GRIA3: variants seen among roughly 807,000 people sequenced by gnomAD.
GRIA3 encodes glutamate ionotropic receptor AMPA type subunit 3.
A neutral mutation model predicts 63.0 loss-of-function variants in GRIA3; 3 were observed. The ratio of observed to expected loss-of-function variants is 0.05; its 90% confidence interval spans 0.02 to 0.12. The LOEUF (loss-of-function observed/expected upper bound fraction) is 0.12. GRIA3 is among the 10% of genes least tolerant of loss of function. The pLI, the probability that GRIA3 is intolerant of heterozygous loss-of-function variation, is 1.00. For missense variants in GRIA3, 347 were observed against 700.9 expected (o/e 0.50, Z 5.70); for synonymous variants, 274 against 257.9 (o/e 1.06, Z -0.60).
intron 3 of GRIA3, among the ~76,000 whole-genome samples, chrX:123,297,086 G>A (rs978872007): frequency 9.0e-6 from 1 of 111,385 alleles, no homozygotes; most frequent in Non-Finnish European, 1.9e-5. Context: ...TACTTAAAGT[G>A]TGGTCCATAG....
At chrX:123,465,664 T>C in intron 13 of GRIA3, 1 of 1,133,558 alleles carries the variant, frequency 8.8e-7, no homozygotes, top group Non-Finnish European at 1.2e-6. Flanking sequence ...TTATGTTTTA[T>C]CGTTTCAAGA....
chrX:123,320,837 G>A (rs1339047448), intron 3 of GRIA3, among the ~76,000 whole-genome samples: 1 of 111,316 alleles, frequency 9.0e-6, no homozygotes, highest in African/African-American at 3.3e-5. Context: ...CCTCACCTTA[G>A]CTCCAGCTCT....
At chrX:123,197,997 G>A (rs779069340) in intron 2 of GRIA3, among the ~76,000 whole-genome samples, 1 of 112,256 alleles carries the variant, frequency 8.9e-6, no homozygotes, top group East Asian at 2.8e-4. Context: ...CCCGAGAGAG[G>A]CCCTCCATAC....
chrX:123,398,904 C>G, intron 7 of GRIA3, 101 bp downstream of exon 7: 1 of 637,129 alleles, frequency 1.6e-6, no homozygotes, highest in Non-Finnish European at 2.5e-6. Context: ...GGAATAGGAC[C>G]AGATTATGTA....
intron 5 of GRIA3, 50 bp from the exon 6 acceptor site, chrX:123,394,918 G>A: frequency 1.1e-6 from 1 of 927,901 alleles, no homozygotes; most frequent in Non-Finnish European, 1.6e-6. Context: ...GATATGGTGA[G>A]TAAGAACATA....
chrX:123,246,361 C>T (rs1459956768), intron 2 of GRIA3, among the ~76,000 whole-genome samples: 1 of 111,755 alleles, frequency 8.9e-6, no homozygotes, highest in Admixed American at 9.5e-5. Context: ...ACCAGTGTGT[C>T]GGCAGGGTTG....
chrX:123,463,720 GAA>G (rs1405289563), intron 12 of GRIA3, among the ~76,000 whole-genome samples: 5 of 94,878 alleles, frequency 5.3e-5, no homozygotes, highest in African/African-American at 1.8e-4. Context: ...AAGAAAGAAA[GAA>G]AGAGAAAGAA....
chrX:123,185,595 G>C lies in GRIA3; in HGVS notation c.110-237G>C, dbSNP rs557488170. 9.1e-5 allele frequency among the ~76,000 whole-genome samples: 10 copies of C among 109,618 alleles called. No individual in the cohort carries two copies. In the South Asian group the frequency reaches 4.1e-3, roughly 45 times the overall value. Reference sequence around the variant, plus strand: ...GGTTCCATCGTCCTAACCCAAAACGGCTCCCTCGTCTCTTCTCCCTTCTCT... The same window carrying C: ...GGTTCCATCGTCCTAACCCAAAACGCCTCCCTCGTCTCTTCTCCCTTCTCT... On this transcript the variant is annotated intron_variant, in intron 1 of 15. Transcript: ENST00000620443.
chrX:123,453,626 C>G lies in GRIA3; in HGVS notation c.2077-11239C>G, dbSNP rs1286680083. ...AGCAAAGTCAGGTTTTCAACACACA[C>G]ACACACACACACACACACACACAAA... On this transcript the variant is annotated intron_variant, in intron 12 of 15. Transcript: ENST00000620443. Among the ~76,000 whole-genome samples the G allele has an allele frequency of 6.3e-5, 7 of 111,138 alleles. No individual in the cohort carries two copies. In the East Asian group the frequency reaches 2.0e-3, roughly 31 times the overall value.
chrX:123,225,564 C>T (rs999572809), intron 2 of GRIA3, among the ~76,000 whole-genome samples: 2 of 111,970 alleles, frequency 1.8e-5, no homozygotes, highest in Non-Finnish European at 3.8e-5. Flanking sequence ...GAACCTGAAC[C>T]TATTACATCT....
At chrX:123,317,723 G>C (rs1449435378) in intron 3 of GRIA3, among the ~76,000 whole-genome samples, 1 of 112,067 alleles carries the variant, frequency 8.9e-6, no homozygotes, top group Admixed American at 9.4e-5. Flanking sequence ...TCATGGGCTA[G>C]TGTTGAGTGT....
chrX:123,485,538 T>C (rs1260806467), intron 15 of GRIA3, among the ~76,000 whole-genome samples: 2 of 111,598 alleles, frequency 1.8e-5, no homozygotes, highest in Admixed American at 9.5e-5. Flanking sequence ...TGGGATCCTG[T>C]CAAATGGAGA....
chrX:123,382,091 T>C (rs940682790), intron 5 of GRIA3, among the ~76,000 whole-genome samples: 1 of 112,301 alleles, frequency 8.9e-6, no homozygotes, highest in Admixed American at 9.4e-5. Flanking sequence ...TGTACACAAA[T>C]GGGACAGAGG....
Position 123,330,900 on chromosome X carries a change from C to T in GRIA3, c.696+4687C>T, listed in dbSNP as rs372640844. ...TGTTTTCAAGAATATACAAATATTC[C>T]AAATTAATCCTGTGTGTTGACAAGT... On this transcript the variant is annotated intron_variant, in intron 4 of 15. Coordinates refer to ENST00000620443, the MANE Select transcript of GRIA3 (RefSeq NM_007325.5). Among the ~76,000 whole-genome samples the T allele has an allele frequency of 3.6e-5, 4 of 111,968 alleles. No homozygotes were observed. The East Asian group carries it at 1.1e-3, about 31-fold the overall frequency.
In GRIA3 at chrX:123,202,485, T is replaced by C. The variant is rs73549541; in HGVS notation, c.268+16495T>C. On this transcript the variant is annotated intron_variant, in intron 2 of 15. Transcript: ENST00000620443. ...TCACTAGTCTTAGCTCCTCAGAATG[T>C]TGGCTGCCTTCCCCAGCTGCCACTG... 2.8e-3 allele frequency: 1,382 copies of C among 486,110 alleles called. 15 individuals carry two copies. The African/African-American group carries it at 0.029, about 10-fold the overall frequency. 40.1% of individuals were successfully genotyped at this position (486,110 alleles called of 1,213,427 possible).
chrX:123,248,224 G>A (rs942814415), intron 2 of GRIA3, among the ~76,000 whole-genome samples: 5 of 112,294 alleles, frequency 4.5e-5, no homozygotes, highest in Non-Finnish European at 9.4e-5. Context: ...TAAGTAACTT[G>A]CCTAATAAGT....
At chrX:123,307,156 C>A (rs1047478545) in intron 3 of GRIA3, among the ~76,000 whole-genome samples, 1 of 111,600 alleles carries the variant, frequency 9.0e-6, no homozygotes, top group Non-Finnish European at 1.9e-5. Context: ...ATTTCCATGC[C>A]ACCACCATCA....
intron 2 of GRIA3, among the ~76,000 whole-genome samples, chrX:123,244,580 C>A (rs778645420): frequency 3.2e-4 from 36 of 112,614 alleles, no homozygotes; most frequent in African/African-American, 1.1e-3. Flanking sequence ...TAAGGTTTTG[C>A]TCTTTGTAAG....
At chrX:123,476,086 AAAAC>A (rs765090818) in intron 13 of GRIA3, among the ~76,000 whole-genome samples, 65 of 111,976 alleles carry the variant, frequency 5.8e-4, no homozygotes, top group African/African-American at 2.0e-3. Context: ...ACTAGATTGA[AAAAC>A]AAAATACTAA....
Sources: gnomAD v4.1 joint callset for allele counts (sites outside exome capture counted in the v4.1 genomes callset) on GRCh38, gnomAD v4.1.1 for gene constraint, MANE v1.5 for transcripts, NCBI Gene and HGNC (gene_info 2026-07-23, HGNC 2026-07-21) for gene names.